The following BAIAP2 variants were observed in gnomAD, a reference collection of about 807,000 sequenced individuals.
BAIAP2 encodes BAR/IMD domain containing adaptor protein 2.
In BAIAP2, 18 loss-of-function variants were observed where a neutral mutation model predicts 63.0. The observed-to-expected ratio is 0.29, with a 90% CI of 0.20 to 0.42. The LOEUF is 0.42. Ranked by LOEUF, BAIAP2 falls within the 10% of genes least tolerant of loss-of-function variation. The pLI, the probability that BAIAP2 is intolerant of heterozygous loss-of-function variation, is 1.00. For synonymous variants in BAIAP2, 386 were observed against 307.6 expected (o/e 1.25, Z -2.67); for missense variants, 610 against 734.3 (o/e 0.83, Z 1.96).
chr17:81,038,289 GT>G (rs2046574844), intron 1 of BAIAP2, among the ~76,000 whole-genome samples: 4 of 152,220 alleles, frequency 2.6e-5, no homozygotes, highest in Admixed American at 2.6e-4. Flanking sequence ...CTGGCTGGCT[GT>G]GTCTCCTGGA....
rs546553485 is a variant in BAIAP2 at position 81,103,369 on chromosome 17, C to T, written c.643-133C>T. ...TCAGAGGCTCACGGGTGGCCTGTCT[C>T]GCCGAGAGGTACCACCTGGTGAAGA... On this transcript the variant is annotated intron_variant, in intron 7 of 13. Coordinates refer to ENST00000428708, the MANE Select transcript of BAIAP2 (RefSeq NM_001144888.2). The T allele has an allele frequency of 3.7e-4, 319 of 856,306 alleles. 1 individual carries two copies. The highest frequency in any genetic ancestry group is 3.3e-3 in the South Asian group (201 of 60,492). 53.0% of individuals were successfully genotyped at this position (856,306 alleles called of 1,614,324 possible). A position where few individuals can be genotyped will look rare whatever the true frequency, so the allele number is the denominator to read the frequency against.
intron 6 of BAIAP2, among the ~76,000 whole-genome samples, chr17:81,091,602 G>GGC (rs2056782463): frequency 6.6e-6 from 1 of 152,224 alleles, no homozygotes; most frequent in South Asian, 2.1e-4. Context: ...CCCTGAGAGA[G>GGC]GCAGGTGTGC....
intron 1 of BAIAP2, among the ~76,000 whole-genome samples, chr17:81,049,832 G>A (rs528182380): frequency 2.0e-5 from 3 of 152,360 alleles, no homozygotes; most frequent in East Asian, 1.9e-4. Flanking sequence ...TAGGGGAGCC[G>A]GAGGTGGAAG....
intron 3 of BAIAP2, among the ~76,000 whole-genome samples, chr17:81,060,112 T>C (rs1382803660): frequency 6.6e-6 from 1 of 152,170 alleles, no homozygotes; most frequent in Non-Finnish European, 1.5e-5. Context: ...GCTGTGTGCA[T>C]CTGCAGAGGG....
Position 81,058,022 on chromosome 17 carries a change from C to T in BAIAP2, c.217+55C>T. ...AGTCGCCTGATGCCCTCAGGCAGCT[C>T]TGGGGCCCTGTCCTGTGTCCAGCCG... is the stretch of plus-strand genomic sequence containing the variant. On this transcript the variant is annotated intron_variant, in intron 3 of 13. Transcript: ENST00000428708. 11 of 1,285,490 alleles carry T rather than the reference C, an allele frequency of 8.6e-6. No homozygotes were observed. The South Asian group carries it at 1.4e-4, about 16-fold the overall frequency. 79.6% of individuals were successfully genotyped at this position (1,285,490 alleles called of 1,614,324 possible).
At chr17:81,104,217 A>C (rs925529948) in intron 9 of BAIAP2, 109 bp downstream of exon 9, 3 of 1,221,352 alleles carry the variant, frequency 2.5e-6, no homozygotes, top group Non-Finnish European at 3.5e-6. Flanking sequence ...GAGGCTCACA[A>C]TTATGTGACC....
chr17:81,043,942 A>G (rs1349737840), intron 1 of BAIAP2, among the ~76,000 whole-genome samples: 4 of 152,250 alleles, frequency 2.6e-5, no homozygotes, highest in Non-Finnish European at 5.9e-5. Context: ...CCTGGCACAG[A>G]GAGTACTGGG....
chr17:81,070,718 C>G (rs938633169), intron 3 of BAIAP2, among the ~76,000 whole-genome samples: 1 of 152,218 alleles, frequency 6.6e-6, no homozygotes, highest in Non-Finnish European at 1.5e-5. Context: ...CGTAGGGGCC[C>G]TCTGCAGCCT....
intron 6 of BAIAP2, among the ~76,000 whole-genome samples, chr17:81,095,605 A>T (rs2057482274): frequency 6.6e-6 from 1 of 152,110 alleles, no homozygotes; most frequent in Non-Finnish European, 1.5e-5. Flanking sequence ...CCAGATGCTC[A>T]TGTGGGGGCT....
At chr17:81,036,761 C>T (rs1568049383) in intron 1 of BAIAP2, 6 of 1,014,538 alleles carry the variant, frequency 5.9e-6, no homozygotes, top group East Asian at 5.2e-5. Context: ...CTGTGGCATA[C>T]GGTTCTGGCC....
At position 81,105,020 on chromosome 17, in the gene BAIAP2, G is replaced by GGA. The variant is rs1198017803; in HGVS notation, c.1268+305_1268+306insGA. 9.5e-5 allele frequency: 28 copies of GGA among 296,166 alleles called. 2 individuals are homozygous for GGA. Among genetic ancestry groups the GGA allele is most frequent in the African/African-American group, 5.4e-4 (25 of 46,500 alleles). 18.3% of individuals were successfully genotyped at this position (296,166 alleles called of 1,614,324 possible). A position where few individuals can be genotyped will look rare whatever the true frequency, so the allele number is the denominator to read the frequency against. ...CGGCAGGGATCTCCCCCAATGGCAG[G>GGA]TATCTCCCCCAATGGCAGGGGTCTT... is the stretch of plus-strand genomic sequence containing the variant. On this transcript the variant is annotated intron_variant, in intron 10 of 13. Coordinates refer to ENST00000428708, the MANE Select transcript of BAIAP2 (RefSeq NM_001144888.2).
At position 81,079,490 on chromosome 17, in the gene BAIAP2, A is replaced by C. The variant is rs531648904; in HGVS notation, c.218-5342A>C. On this transcript the variant is annotated intron_variant, in intron 3 of 13. Coordinates refer to ENST00000428708, the MANE Select transcript of BAIAP2 (RefSeq NM_001144888.2). ...TGTAGACACATCACCCGTGACACCCATGTGTGCCCCCTTTCTAGCCCTCCG... is the reference window on the plus strand; with the variant it reads ...TGTAGACACATCACCCGTGACACCCCTGTGTGCCCCCTTTCTAGCCCTCCG... Among the ~76,000 whole-genome samples, 76 of 151,932 alleles carry C rather than the reference A, an allele frequency of 5.0e-4. 1 individual carries two copies. The highest frequency in any genetic ancestry group is 4.8e-3 in the Admixed American group (73 of 15,286).
At chr17:81,045,598 C>T (rs1487270312) in intron 1 of BAIAP2, among the ~76,000 whole-genome samples, 1 of 152,166 alleles carries the variant, frequency 6.6e-6, no homozygotes, top group African/African-American at 2.4e-5. Flanking sequence ...ATGTGGATGG[C>T]TTTTCTGTGG....
chr17:81,085,092 C>T (rs1043271566), intron 4 of BAIAP2, 199 bp downstream of exon 4: 7 of 609,864 alleles, frequency 1.1e-5, no homozygotes, highest in Admixed American at 5.5e-5. Flanking sequence ...AGACCGCGGC[C>T]GCATGTTTCA....
At chr17:81,072,334 A>T (rs976111753) in intron 3 of BAIAP2, among the ~76,000 whole-genome samples, 1 of 152,140 alleles carries the variant, frequency 6.6e-6, no homozygotes, top group Non-Finnish European at 1.5e-5. Flanking sequence ...GCCCGGCCTG[A>T]CCCATGTAAT....
At position 81,116,338 on chromosome 17, in the gene BAIAP2, C is replaced by T. The variant is rs375886885; in HGVS notation, c.*499C>T. 119 of 1,611,590 alleles carry T rather than the reference C, an allele frequency of 7.4e-5. No homozygotes were observed. In the Admixed American group the frequency reaches 1.7e-3, roughly 23 times the overall value. On this transcript the variant is annotated 3_prime_UTR_variant, in exon 14 of 14. Coordinates refer to ENST00000428708, the MANE Select transcript of BAIAP2 (RefSeq NM_001144888.2). ...GTAAGCACGTAATTCCCTGCAGGTC[C>T]GGCAGCTACACCTGGAGTGTGGGGC...
intron 3 of BAIAP2, among the ~76,000 whole-genome samples, chr17:81,061,763 T>C (rs577596842): frequency 6.6e-6 from 1 of 152,316 alleles, no homozygotes; most frequent in Admixed American, 6.5e-5. Flanking sequence ...TTTTGTGTTT[T>C]TGTTCACCAC....
chr17:81,036,912 C>T lies in BAIAP2; in HGVS notation c.54+1604C>T, dbSNP rs528356322. On this transcript the variant is annotated intron_variant, in intron 1 of 13. Transcript: ENST00000428708. ...AACCTTTTTCCTATTTTTTCTCCTT[C>T]TGCGCTGAAACCAGAAAGCAGGAAC... 2.6e-6 allele frequency: 4 copies of T among 1,535,894 alleles called. No individual in the cohort carries two copies. In the African/African-American group the frequency reaches 5.5e-5, roughly 21 times the overall value.
At chr17:81,097,803 C>T (rs193274365) in intron 6 of BAIAP2, 42 of 273,754 alleles carry the variant, frequency 1.5e-4, no homozygotes, top group African/African-American at 8.1e-4. Context: ...TGCGGCCTCC[C>T]AGGAGGGGCC....
Sources: allele counts gnomAD v4.1 joint callset (sites outside exome capture counted in the v4.1 genomes callset), GRCh38; gene constraint gnomAD v4.1.1; transcripts MANE v1.5; gene names NCBI Gene and HGNC (gene_info 2026-07-23, HGNC 2026-07-21).